Variants in CAMK1D observed in about 807,000 individuals in gnomAD.
CAMK1D encodes the protein calcium/calmodulin dependent protein kinase ID, also known as calcium/calmodulin-dependent protein kinase type 1D.
Under a neutral mutation model 47.7 loss-of-function variants are expected in CAMK1D, and 9 were observed. The ratio of observed to expected loss-of-function variants is 0.19; its 90% CI spans 0.11 to 0.33. The LOEUF (loss-of-function observed/expected upper bound fraction) is 0.33, where lower values mean the gene tolerates loss of function less well. Among genes scored for constraint, CAMK1D ranks in the 10% least tolerant of loss-of-function variants. The pLI, the probability that CAMK1D is intolerant of heterozygous loss-of-function variation, is 1.00. For missense variants in CAMK1D, 291 were observed against 488.7 expected (o/e 0.60, Z 3.81); for synonymous variants, 184 against 184.9 (o/e 0.99, Z 0.04).
chr10:12,396,867 T>C (rs1268505199), intron 1 of CAMK1D, among the ~76,000 whole-genome samples: 1 of 152,218 alleles, frequency 6.6e-6, no homozygotes, highest in East Asian at 1.9e-4. Flanking sequence ...GTTTGGGTTT[T>C]TAACTCAGTC....
At chr10:12,726,936 C>CGGA (rs1428246499) in intron 3 of CAMK1D, among the ~76,000 whole-genome samples, 1 of 152,256 alleles carries the variant, frequency 6.6e-6, no homozygotes, top group African/African-American at 2.4e-5. Context: ...GGCCCCTGTG[C>CGGA]TCCCAGCTGC....
chr10:12,684,589 T>A (rs557269257), intron 3 of CAMK1D, among the ~76,000 whole-genome samples: 1 of 152,344 alleles, frequency 6.6e-6, no homozygotes, highest in East Asian at 1.9e-4. Context: ...TTTAACATAA[T>A]TTTTAAGTGA....
intron 6 of CAMK1D, among the ~76,000 whole-genome samples, chr10:12,805,839 G>A (rs4750267): frequency 0.52 from 78,385 of 152,144 alleles, 22,356 homozygotes; most frequent in South Asian, 0.71. Context: ...AGCACATGCT[G>A]TGTACTGGTA....
At chr10:12,408,848 C>CTTTTTTTTTTTTTTTTTT (rs113921067) in intron 1 of CAMK1D, among the ~76,000 whole-genome samples, 29 of 121,868 alleles carry the variant, frequency 2.4e-4, no homozygotes, top group South Asian at 2.7e-4. Context: ...TTCTTTCTTT[C>CTTTTTTTTTTTTTTTTTT]TTTTTTTTTT....
At chr10:12,492,983 G>A (rs976996583) in intron 1 of CAMK1D, among the ~76,000 whole-genome samples, 3 of 152,200 alleles carry the variant, frequency 2.0e-5, no homozygotes, top group Non-Finnish European at 4.4e-5. Flanking sequence ...CCGCTCCTGT[G>A]CTTCACAGGC....
rs140979548 is a variant in CAMK1D at position 12,512,416 on chromosome 10, G to A, written c.93-40809G>A. Among the ~76,000 whole-genome samples, 23 of 152,228 alleles carry A rather than the reference G, an allele frequency of 1.5e-4. No homozygotes were observed. The East Asian group carries it at 4.1e-3, about 27-fold the overall frequency. ...CTGTTTATTATTATTATTTTTTTGA[G>A]ATGGAGCCCTGCTCTGTCGCCCAGG... On this transcript the variant is annotated intron_variant, in intron 1 of 10. Coordinates refer to ENST00000619168, the MANE Select transcript of CAMK1D (RefSeq NM_153498.4).
intron 2 of CAMK1D, among the ~76,000 whole-genome samples, chr10:12,619,266 T>C (rs1395652383): frequency 6.6e-6 from 1 of 151,898 alleles, no homozygotes; most frequent in African/African-American, 2.4e-5. Context: ...ATAGACAGGG[T>C]GAATAATGAC....
At chr10:12,827,802 T>C (rs2989498) in intron 10 of CAMK1D, among the ~76,000 whole-genome samples, 130,451 of 151,664 alleles carry the variant, frequency 0.86, 56,122 homozygotes, top group East Asian at 0.95. Flanking sequence ...AATCCTCCTG[T>C]CTCAGCCTTC....
At chr10:12,582,048 C>T (rs1261138026) in intron 2 of CAMK1D, among the ~76,000 whole-genome samples, 1 of 152,088 alleles carries the variant, frequency 6.6e-6, no homozygotes, top group African/African-American at 2.4e-5. Flanking sequence ...CTTGATCCAT[C>T]TTGAGTTGAT....
intron 3 of CAMK1D, among the ~76,000 whole-genome samples, chr10:12,688,574 G>A (rs367983832): frequency 3.0e-4 from 45 of 152,294 alleles, no homozygotes; most frequent in African/African-American, 1.0e-3. Flanking sequence ...AAAGGAGGTC[G>A]TGACGTTGTG....
At chr10:12,735,996 G>T (rs984114048) in intron 3 of CAMK1D, among the ~76,000 whole-genome samples, 2 of 152,306 alleles carry the variant, frequency 1.3e-5, no homozygotes, top group African/African-American at 2.4e-5. Context: ...GCTCCCTCTG[G>T]TTGAGACTTG....
intron 6 of CAMK1D, among the ~76,000 whole-genome samples, chr10:12,795,636 C>T (rs1055897445): frequency 2.6e-5 from 4 of 152,174 alleles, no homozygotes; most frequent in South Asian, 4.1e-4. Context: ...CCAAAGTGGC[C>T]GTGACAAGCC....
At chr10:12,350,178 C>G (rs138715812) in intron 1 of CAMK1D, among the ~76,000 whole-genome samples, 2 of 152,154 alleles carry the variant, frequency 1.3e-5, no homozygotes, top group Non-Finnish European at 2.9e-5. Context: ...TCCCACTTCT[C>G]CTGCCACCGC....
intron 8 of CAMK1D, among the ~76,000 whole-genome samples, chr10:12,824,089 T>C (rs1389123091): frequency 2.0e-5 from 3 of 151,628 alleles, no homozygotes; most frequent in Non-Finnish European, 4.4e-5. Flanking sequence ...CTCAAAAGCT[T>C]GTGTGGAGGC....
intron 1 of CAMK1D, among the ~76,000 whole-genome samples, chr10:12,409,179 C>T (rs1156232275): frequency 6.6e-6 from 1 of 152,082 alleles, no homozygotes; most frequent in Non-Finnish European, 1.5e-5. Flanking sequence ...TTACCTTCTC[C>T]ATTCCTTATT....
intron 2 of CAMK1D, among the ~76,000 whole-genome samples, chr10:12,618,539 T>G (rs1041415020): frequency 4.6e-5 from 7 of 152,126 alleles, no homozygotes; most frequent in Admixed American, 3.9e-4. Context: ...CAAAGACTCG[T>G]GGGGGGATTT....
chr10:12,505,129 C>T (rs1834831096), intron 1 of CAMK1D, among the ~76,000 whole-genome samples: 1 of 152,170 alleles, frequency 6.6e-6, no homozygotes, highest in South Asian at 2.1e-4. Context: ...GCATTGTTAA[C>T]CCCATCCTAT....
chr10:12,412,693 CAAAA>C (rs571912414), intron 1 of CAMK1D, among the ~76,000 whole-genome samples: 10 of 45,158 alleles, frequency 2.2e-4, no homozygotes, highest in Non-Finnish European at 3.5e-4. Flanking sequence ...GAGACGCCAT[CAAAA>C]AAAAAAAAAA....
chr10:12,734,617 C>T (rs576547555), intron 3 of CAMK1D, among the ~76,000 whole-genome samples: 1 of 151,126 alleles, frequency 6.6e-6, no homozygotes, highest in South Asian at 2.1e-4. Context: ...CTGTATCCCT[C>T]TTTGACTCTG....
Sources: gnomAD v4.1 joint callset for allele counts (sites outside exome capture counted in the v4.1 genomes callset) on GRCh38, gnomAD v4.1.1 for gene constraint, MANE v1.5 for transcripts, NCBI Gene and HGNC (gene_info 2026-07-23, HGNC 2026-07-21) for gene names.